Variants in EIF3A observed in about 807,000 individuals in gnomAD.
EIF3A encodes eukaryotic translation initiation factor 3 subunit A.
A neutral mutation model predicts 186.6 loss-of-function variants in EIF3A; 21 were observed. The observed-to-expected ratio is 0.11, with a 90% CI of 0.08 to 0.16. The LOEUF is 0.16. Ranked by LOEUF, EIF3A falls within the 10% of genes least tolerant of loss-of-function variation. The pLI, the probability that EIF3A is intolerant of heterozygous loss-of-function variation, is 1.00. For missense variants in EIF3A, 1,306 were observed against 1,796.3 expected, an observed-to-expected ratio of 0.73 and a Z score of 4.93; for synonymous variants, 563 against 584.3, an observed-to-expected ratio of 0.96 and a Z score of 0.52.
chr10:119,078,705 T>G (rs928780530), intron 1 of EIF3A, among the ~76,000 whole-genome samples: 5 of 152,092 alleles, frequency 3.3e-5, no homozygotes, highest in African/African-American at 1.2e-4. Context: ...AAACTCAAGT[T>G]TCCCCCCCAG....
intron 7 of EIF3A, among the ~76,000 whole-genome samples, chr10:119,062,104 CT>C (rs1409205775): frequency 6.6e-6 from 1 of 152,140 alleles, no homozygotes; most frequent in Non-Finnish European, 1.5e-5. Context: ...CTACAACATT[CT>C]AACACTTCCT....
chr10:119,076,288 G>C (rs1844171781), intron 1 of EIF3A, among the ~76,000 whole-genome samples: 1 of 145,038 alleles, frequency 6.9e-6, no homozygotes, highest in South Asian at 2.2e-4. Flanking sequence ...AGCCGAGATA[G>C]CGCCACTGTA....
At chr10:119,055,493 A>G (rs889311291) in intron 14 of EIF3A, among the ~76,000 whole-genome samples, 25 of 152,208 alleles carry the variant, frequency 1.6e-4, no homozygotes, top group Admixed American at 1.3e-4. Flanking sequence ...ATGCTGCTGG[A>G]AAAATGGTGT....
intron 11 of EIF3A, among the ~76,000 whole-genome samples, chr10:119,058,850 T>C (rs1843833702): frequency 6.6e-6 from 1 of 152,094 alleles, no homozygotes; most frequent in Admixed American, 6.5e-5. Context: ...ATCACTGCAC[T>C]CCAGCCTGGG....
intron 14 of EIF3A, among the ~76,000 whole-genome samples, chr10:119,054,796 T>C (rs1411161849): frequency 6.6e-6 from 1 of 152,098 alleles, no homozygotes; most frequent in African/African-American, 2.4e-5. Context: ...GCTTTCAACA[T>C]GCCTTCCTCA....
At position 119,042,745 on chromosome 10, in the gene EIF3A, A is replaced by G. The variant is rs1848229186; in HGVS notation, c.2775T>C (p.Asp925=). 2.5e-6 allele frequency: 4 copies of G among 1,609,062 alleles called. No individual in the cohort carries two copies. The highest frequency in any genetic ancestry group is 3.4e-6 in the Non-Finnish European group (4 of 1,177,508). Residue 925 remains aspartate, a synonymous_variant, in exon 19 of 22, where the codon GAT becomes GAC. Transcript: ENST00000369144. The surrounding 1 kb of genome is among the most constrained non-coding windows in gnomAD (Gnocchi z 7.8). ...EKEWRRGEGR[D]EDRSHRRDEE... ...CATCTCTTCTATGAGACCTGTCCTC[A>G]TCTCGCCCTTCTCCACGTCTCCACT... is the stretch of plus-strand genomic sequence containing the variant.
At chr10:119,057,860 T>C in intron 12 of EIF3A, 96 bp downstream of exon 12, 1 of 932,140 alleles carries the variant, frequency 1.1e-6, no homozygotes, top group Non-Finnish European at 1.6e-6. Context: ...ATGCATGAAA[T>C]AACCCAGTAA....
rs191234805 is a variant in EIF3A at position 119,065,845 on chromosome 10, G to A, written c.951-275C>T. ...AAAAAGATTGTGATTGACCAGGCGCGGTGGCTCACGCCTGTAATCCCAGCA... is the reference window on the plus strand; with the variant it reads ...AAAAAGATTGTGATTGACCAGGCGCAGTGGCTCACGCCTGTAATCCCAGCA... On this transcript the variant is annotated intron_variant, in intron 6 of 21. Coordinates refer to ENST00000369144, the MANE Select transcript of EIF3A (RefSeq NM_003750.4). 5.7e-4 allele frequency among the ~76,000 whole-genome samples: 87 copies of A among 152,206 alleles called. 1 individual carries two copies. In the East Asian group the frequency reaches 6.8e-3, roughly 12 times the overall value.
intron 10 of EIF3A, 88 bp from the exon 11 acceptor site, chr10:119,059,485 A>G: frequency 7.7e-7 from 1 of 1,299,858 alleles, no homozygotes. Flanking sequence ...AAAAGCTGGA[A>G]AAGTTCACTC....
chr10:119,061,982 A>G (rs757094332), intron 7 of EIF3A, among the ~76,000 whole-genome samples: 1 of 152,194 alleles, frequency 6.6e-6, no homozygotes, highest in African/African-American at 2.4e-5. Flanking sequence ...GTGGGTGACA[A>G]AACTGAGGCA....
chr10:119,072,416 C>T (rs1275596810), intron 4 of EIF3A, among the ~76,000 whole-genome samples: 2 of 143,526 alleles, frequency 1.4e-5, no homozygotes, highest in Non-Finnish European at 3.0e-5. Context: ...AAACAAATTC[C>T]TTACTCAGTC....
chr10:119,061,177 A>G (rs1406293638), intron 8 of EIF3A, 47 bp downstream of exon 8: 4 of 1,101,520 alleles, frequency 3.6e-6, no homozygotes, highest in Non-Finnish European at 5.4e-6. Context: ...AAACTGCAAG[A>G]AGGCCAACTC....
intron 6 of EIF3A, among the ~76,000 whole-genome samples, chr10:119,068,206 T>C (rs898905904): frequency 3.3e-5 from 5 of 152,168 alleles, no homozygotes; most frequent in Non-Finnish European, 7.3e-5. Flanking sequence ...CTCATTTCTA[T>C]AGTTTGTTGC....
At chr10:119,038,077 C>T (rs895703108) in intron 20 of EIF3A, 161 bp downstream of exon 20, 7 of 634,886 alleles carry the variant, frequency 1.1e-5, no homozygotes, top group Admixed American at 5.0e-5. Flanking sequence ...CCACCACGCC[C>T]GGCTAATTTT....
At chr10:119,060,305 T>C (rs1342173277) in intron 9 of EIF3A, among the ~76,000 whole-genome samples, 3 of 152,222 alleles carry the variant, frequency 2.0e-5, no homozygotes, top group African/African-American at 7.2e-5. Flanking sequence ...TGAATAGCTA[T>C]TAAAGCTTTA....
chr10:119,051,495 C>T (rs1458689527), intron 14 of EIF3A, among the ~76,000 whole-genome samples, 174 bp from the exon 15 acceptor site: 4 of 151,838 alleles, frequency 2.6e-5, no homozygotes, highest in South Asian at 2.1e-4. Flanking sequence ...AAGGCAATTA[C>T]GGGCAAGAGG....
rs958406722 is a variant in EIF3A, at chr10:119,034,144, G to A, written c.*1895C>T. On this transcript the variant is annotated 3_prime_UTR_variant, in exon 22 of 22. Coordinates refer to ENST00000369144, the MANE Select transcript of EIF3A (RefSeq NM_003750.4). Reference sequence around the variant, plus strand: ...TTAACACCTGTTGGTAAATACTAATGGGAGTAGACAGAGTTGTATGGCCTG... The same window carrying A: ...TTAACACCTGTTGGTAAATACTAATAGGAGTAGACAGAGTTGTATGGCCTG... 1 of 167,096 alleles carries A rather than the reference G, an allele frequency of 6.0e-6. No homozygotes were observed. The highest frequency in any genetic ancestry group is 1.9e-4 in the East Asian group (1 of 5,206). 10.4% of individuals were successfully genotyped at this position (167,096 alleles called of 1,614,324 possible).
At chr10:119,036,652 A>T (rs976010313) in intron 21 of EIF3A, among the ~76,000 whole-genome samples, 1 of 152,232 alleles carries the variant, frequency 6.6e-6, no homozygotes, top group Non-Finnish European at 1.5e-5. Context: ...AGGAGTTTTT[A>T]AAGTTATGGC....
intron 5 of EIF3A, among the ~76,000 whole-genome samples, chr10:119,070,562 AT>A (rs35596597): frequency 0.5 from 76,755 of 152,036 alleles, 20,714 homozygotes; most frequent in Middle Eastern, 0.67. Context: ...CTCTATACTT[AT>A]TTCATCACAG....
Sources: gnomAD v4.1 joint callset for allele counts (sites outside exome capture counted in the v4.1 genomes callset) on GRCh38, gnomAD v4.1.1 for gene constraint, Gnocchi (gnomAD v3.1) non-coding constraint, MANE v1.5 for transcripts, NCBI Gene and HGNC (gene_info 2026-07-23, HGNC 2026-07-21) for gene names.